STMN4: variants seen among roughly 807,000 people sequenced by gnomAD.
STMN4 encodes the protein stathmin-4.
In STMN4, 12 loss-of-function variants were observed where a neutral mutation model predicts 29.1. That is an observed-to-expected ratio of 0.41 (90% CI 0.26 to 0.67). The LOEUF is 0.67. Ranked by LOEUF, STMN4 falls within the 30% of genes least tolerant of loss-of-function variation. The pLI is 0.30. For missense variants in STMN4, 181 were observed against 262.8 expected (o/e 0.69, Z 2.15); for synonymous variants, 114 against 105.3 (o/e 1.08, Z -0.51).
intron 1 of STMN4, among the ~76,000 whole-genome samples, chr8:27,254,365 G>A (rs1801876226): frequency 6.6e-6 from 1 of 151,968 alleles, no homozygotes; most frequent in African/African-American, 2.4e-5. Flanking sequence ...CCTTTCTCTG[G>A]ATTCATATTC....
chr8:27,240,965 C>T (rs1191255798), intron 5 of STMN4, 89 bp downstream of exon 5: 18 of 1,335,126 alleles, frequency 1.3e-5, no homozygotes, highest in Admixed American at 2.2e-5. Flanking sequence ...TGGTGATGAG[C>T]TTATCCCAGC....
chr8:27,257,744 G>A (rs369356900), intron 1 of STMN4, among the ~76,000 whole-genome samples: 1 of 152,050 alleles, frequency 6.6e-6, no homozygotes, highest in East Asian at 1.9e-4. Flanking sequence ...GGCAGTTCTG[G>A]GTGTCTGCAG....
chr8:27,245,343 A>G (rs1801595283), intron 1 of STMN4, among the ~76,000 whole-genome samples: 1 of 152,178 alleles, frequency 6.6e-6, no homozygotes, highest in South Asian at 2.1e-4. Context: ...CCATGTGCGG[A>G]TGGGGAAACT....
intron 1 of STMN4, among the ~76,000 whole-genome samples, chr8:27,245,340 C>T (rs1044107220): frequency 2.6e-5 from 4 of 152,186 alleles, no homozygotes; most frequent in East Asian, 3.9e-4. Context: ...TTGCCATGTG[C>T]GGATGGGGAA....
intron 1 of STMN4, among the ~76,000 whole-genome samples, chr8:27,247,022 G>C (rs1476708846): frequency 1.3e-5 from 2 of 152,260 alleles, no homozygotes; most frequent in South Asian, 2.1e-4. Context: ...GGGAGGCTGA[G>C]GTGGGCAGAT....
chr8:27,247,157 A>C (rs1397201957), intron 1 of STMN4, among the ~76,000 whole-genome samples: 1 of 148,502 alleles, frequency 6.7e-6, no homozygotes, highest in Non-Finnish European at 1.5e-5. Flanking sequence ...AGGGAAGCTG[A>C]GGTAGGAGAA....
At chr8:27,241,604 A>G in intron 4 of STMN4, 73 bp downstream of exon 4, 3 of 1,559,020 alleles carry the variant, frequency 1.9e-6, no homozygotes, top group Non-Finnish European at 2.6e-6. Flanking sequence ...GGTGCGTTTC[A>G]GCCCCCGCCC....
chr8:27,250,383 T>C (rs1334636799), intron 1 of STMN4, among the ~76,000 whole-genome samples: 1 of 152,254 alleles, frequency 6.6e-6, no homozygotes, highest in Non-Finnish European at 1.5e-5. Flanking sequence ...TATTTAATTA[T>C]GTGCCAAGCC....
In STMN4 at chr8:27,242,273, G is replaced by C. The variant is rs541971675; in HGVS notation, c.109+124C>G. On this transcript the variant is annotated intron_variant, in intron 3 of 6. Transcript: ENST00000350889. ...CGGGCTCACCCGCTGTGATTTCATC[G>C]GCACTGGGAAGGAAACTGTCTCGGG... is the stretch of plus-strand genomic sequence containing the variant. 1.0e-4 allele frequency: 101 copies of C among 964,316 alleles called. No homozygotes were observed. The African/African-American group carries it at 1.5e-3, about 14-fold the overall frequency. 59.7% of individuals were successfully genotyped at this position (964,316 alleles called of 1,614,324 possible).
At chr8:27,239,909 A>T (rs1198520023) in intron 6 of STMN4, 62 bp downstream of exon 6, 7 of 1,613,100 alleles carry the variant, frequency 4.3e-6, no homozygotes, top group Non-Finnish European at 5.9e-6. Context: ...GTCCCCGCAT[A>T]CTTGCTGCAG....
intron 1 of STMN4, among the ~76,000 whole-genome samples, chr8:27,248,440 T>C (rs764099707): frequency 3.3e-5 from 5 of 152,146 alleles, no homozygotes; most frequent in Non-Finnish European, 5.9e-5. Flanking sequence ...CCCACTGGGC[T>C]GCATGCAGGG....
In STMN4 at chr8:27,235,635, C is replaced by T. The variant is rs1801293694; in HGVS notation, c.*1211G>A. On this transcript the variant is annotated 3_prime_UTR_variant, in exon 7 of 7. Transcript: ENST00000350889. ...TGCTATGGTGTGAATGTTGCTGTCT[C>T]CCCCAATATACAGGTTGAATCCTAA... 1 of 152,204 alleles carries T rather than the reference C, an allele frequency of 6.6e-6. No homozygotes were observed. Among genetic ancestry groups the T allele is most frequent in the Non-Finnish European group, 1.5e-5 (1 of 68,050 alleles). 9.4% of individuals were successfully genotyped at this position (152,204 alleles called of 1,614,324 possible).
At position 27,235,933 on chromosome 8, in the gene STMN4, G is replaced by A. The variant is rs976842490; in HGVS notation, c.*913C>T. On this transcript the variant is annotated 3_prime_UTR_variant, in exon 7 of 7. Coordinates refer to ENST00000350889, the MANE Select transcript of STMN4 (RefSeq NM_030795.4). ...TCTGTTATCAATTACTTAGTCTAAG[G>A]TATTTTGTTACAGCAGTCTGAACGG... is the stretch of plus-strand genomic sequence containing the variant. 1.3e-5 allele frequency: 2 copies of A among 152,178 alleles called. No individual in the cohort carries two copies. The highest frequency in any genetic ancestry group is 6.5e-5 in the Admixed American group (1 of 15,280). 9.4% of individuals were successfully genotyped at this position (152,178 alleles called of 1,614,324 possible). A position where few individuals can be genotyped will look rare whatever the true frequency, so the allele number is the denominator to read the frequency against.
At chr8:27,239,070 G>A (rs1174346279) in intron 6 of STMN4, among the ~76,000 whole-genome samples, 1 of 152,262 alleles carries the variant, frequency 6.6e-6, no homozygotes, top group African/African-American at 2.4e-5. Context: ...GCAGGCTGGT[G>A]CATCAGAGCA....
intron 6 of STMN4, among the ~76,000 whole-genome samples, chr8:27,238,496 GTCTCTCTGCCTCTGAATCTACCGA>G (rs1341342550): frequency 1.3e-5 from 2 of 152,296 alleles, no homozygotes; most frequent in South Asian, 2.1e-4. Flanking sequence ...GACCTTTCCA[GTCTCTCTGCCTCTGAATCTACCGA>G]TCTCTCTGCC....
chr8:27,238,587 C>T (rs144395421), intron 6 of STMN4, among the ~76,000 whole-genome samples: 63 of 152,342 alleles, frequency 4.1e-4, no homozygotes, highest in African/African-American at 1.4e-3. Flanking sequence ...AAGTTCTGCA[C>T]TCCCTTTCCT....
chr8:27,241,966 C>A (rs1586007478), intron 3 of STMN4: 1 of 609,358 alleles, frequency 1.6e-6, no homozygotes, highest in Non-Finnish European at 2.9e-6. Flanking sequence ...TGCCACAGAA[C>A]CTCCTCTTCC....
intron 1 of STMN4, among the ~76,000 whole-genome samples, chr8:27,247,727 G>A (rs958873387): frequency 2.0e-5 from 3 of 152,242 alleles, no homozygotes; most frequent in African/African-American, 7.2e-5. Flanking sequence ...CACACAGAGT[G>A]CCAGGGATTC....
At chr8:27,250,196 C>T (rs541394189) in intron 1 of STMN4, among the ~76,000 whole-genome samples, 25 of 152,296 alleles carry the variant, frequency 1.6e-4, no homozygotes, top group African/African-American at 6.0e-4. Context: ...TATCTAAATG[C>T]CACATTTATT....
Sources: gnomAD v4.1 joint callset for allele counts (sites outside exome capture counted in the v4.1 genomes callset) on GRCh38, gnomAD v4.1.1 for gene constraint, MANE v1.5 for transcripts, NCBI Gene and HGNC (gene_info 2026-07-23, HGNC 2026-07-21) for gene names.